Variants in CAMSAP2 observed in about 807,000 individuals in gnomAD.
The protein encoded by CAMSAP2 is calmodulin-regulated spectrin-associated protein 2.
CAMSAP2 carries 26 observed loss-of-function variants against 146.1 expected under a neutral mutation model. The observed-to-expected ratio is 0.18, with a 90% CI of 0.13 to 0.25. The LOEUF (loss-of-function observed/expected upper bound fraction) is 0.25. Ranked by LOEUF, CAMSAP2 falls within the 10% of genes least tolerant of loss-of-function variation. The pLI, the probability that CAMSAP2 is intolerant of heterozygous loss-of-function variation, is 1.00. For missense variants in CAMSAP2, 1,381 were observed against 1,759.3 expected (o/e 0.78, Z 3.85); for synonymous variants, 499 against 596.6 (o/e 0.84, Z 2.38).
chr1:200,743,171 T>C (rs957930132), intron 1 of CAMSAP2, among the ~76,000 whole-genome samples: 5 of 152,244 alleles, frequency 3.3e-5, no homozygotes, highest in Non-Finnish European at 7.3e-5. Context: ...TTTCTTTAAA[T>C]GTTCTGTTCT....
intron 4 of CAMSAP2, among the ~76,000 whole-genome samples, chr1:200,816,368 G>A (rs962758376): frequency 4.6e-5 from 7 of 151,468 alleles, no homozygotes; most frequent in East Asian, 2.0e-4. Flanking sequence ...TGAGACGGGC[G>A]GATCACCTGA....
intron 4 of CAMSAP2, among the ~76,000 whole-genome samples, chr1:200,830,414 T>C (rs10920043): frequency 0.084 from 12,795 of 152,284 alleles, 1,103 homozygotes; most frequent in East Asian, 0.35. Flanking sequence ...TTCAATTCTT[T>C]GTTGCATGAC....
chr1:200,823,672 A>G (rs956615183), intron 4 of CAMSAP2, among the ~76,000 whole-genome samples: 18 of 152,314 alleles, frequency 1.2e-4, no homozygotes, highest in African/African-American at 4.3e-4. Flanking sequence ...GATATTAACC[A>G]TGATCCCTTG....
chr1:200,771,610 C>T (rs1022688917), intron 2 of CAMSAP2, among the ~76,000 whole-genome samples: 3 of 152,118 alleles, frequency 2.0e-5, no homozygotes, highest in Non-Finnish European at 4.4e-5. Context: ...CCTTATTTTT[C>T]CAGAGACCAT....
At chr1:200,816,380 G>A (rs1344536267) in intron 4 of CAMSAP2, among the ~76,000 whole-genome samples, 1 of 151,316 alleles carries the variant, frequency 6.6e-6, no homozygotes, top group Non-Finnish European at 1.5e-5. Context: ...ATCACCTGAG[G>A]TCAGGAGTTT....
In CAMSAP2 at chr1:200,832,442, C is replaced by A; in HGVS notation, c.787+101C>A. ...CCAGCCTAGGTGACTGAGTGGGACC[C>A]TGTCTCAAAAAAAAGACAATATTAT... is the stretch of plus-strand genomic sequence containing the variant. On this transcript the variant is annotated intron_variant, in intron 5 of 16. Transcript: ENST00000358823. This position sits in a 1 kb window ranked among gnomAD's most constrained non-coding sequence, Gnocchi z 4.2. 1 of 1,126,162 alleles carries A rather than the reference C, an allele frequency of 8.9e-7. No individual in the cohort carries two copies. The highest frequency in any genetic ancestry group is 1.2e-6 in the Non-Finnish European group (1 of 820,444). The allele number at this position is 1,126,162 out of a possible 1,614,324, so 69.8% of individuals were successfully genotyped here.
chr1:200,745,062 ATTTAT>A (rs1664284474), intron 1 of CAMSAP2, among the ~76,000 whole-genome samples: 2 of 152,296 alleles, frequency 1.3e-5, no homozygotes, highest in East Asian at 3.9e-4. Context: ...TATATGCATT[ATTTAT>A]TTTAATTCTG....
intron 1 of CAMSAP2, among the ~76,000 whole-genome samples, chr1:200,747,671 TTGA>T (rs1664373815): frequency 6.6e-6 from 1 of 150,730 alleles, no homozygotes; most frequent in Admixed American, 6.6e-5. Flanking sequence ...TGTGCCCTTG[TTGA>T]TGTGTGGATT....
intron 4 of CAMSAP2, among the ~76,000 whole-genome samples, chr1:200,819,718 T>C (rs78568619): frequency 2.0e-3 from 309 of 152,310 alleles, no homozygotes; most frequent in African/African-American, 6.7e-3. Context: ...CTTCTCGATA[T>C]GTTAGTAAAC....
chr1:200,796,673 CTT>C (rs58160624), intron 2 of CAMSAP2, among the ~76,000 whole-genome samples: 38 of 142,536 alleles, frequency 2.7e-4, no homozygotes, highest in South Asian at 8.8e-4. Context: ...TTTTTTTTGT[CTT>C]TTTTTTTTTT....
At chr1:200,852,439 C>T (rs556822356) in intron 11 of CAMSAP2, 102 bp from the exon 12 acceptor site, 10 of 1,321,902 alleles carry the variant, frequency 7.6e-6, no homozygotes, top group Non-Finnish European at 1.0e-5. Context: ...ATAGTTCAAA[C>T]TTTCAGTTAT....
At chr1:200,844,744 G>T in intron 7 of CAMSAP2, 38 bp from the exon 8 acceptor site, 1 of 1,199,996 alleles carries the variant, frequency 8.3e-7, no homozygotes, top group Non-Finnish European at 1.2e-6. Flanking sequence ...ATAGAAATAT[G>T]CTAATTTGAG....
chr1:200,758,224 C>G (rs898277692), intron 1 of CAMSAP2, among the ~76,000 whole-genome samples: 11 of 152,082 alleles, frequency 7.2e-5, no homozygotes, highest in Non-Finnish European at 1.6e-4. Context: ...ATTTGTAATC[C>G]TGATAATGAG....
At chr1:200,766,342 G>T (rs1413083869) in intron 2 of CAMSAP2, among the ~76,000 whole-genome samples, 1 of 151,774 alleles carries the variant, frequency 6.6e-6, no homozygotes, top group Admixed American at 6.6e-5. Context: ...GTAGAGACAG[G>T]GTCTCCCTAT....
At chr1:200,811,571 A>G (rs1294394123) in intron 3 of CAMSAP2, among the ~76,000 whole-genome samples, 3 of 152,220 alleles carry the variant, frequency 2.0e-5, no homozygotes, top group African/African-American at 7.2e-5. Context: ...TCTTGCTTCT[A>G]CTTGCTCTTG....
chr1:200,783,291 G>T (rs1165951237), intron 2 of CAMSAP2, among the ~76,000 whole-genome samples: 2 of 152,118 alleles, frequency 1.3e-5, no homozygotes, highest in African/African-American at 4.8e-5. Flanking sequence ...AGGACTAATA[G>T]AATTTAATGT....
chr1:200,808,887 C>T (rs979546166), intron 3 of CAMSAP2, among the ~76,000 whole-genome samples: 1 of 152,224 alleles, frequency 6.6e-6, no homozygotes, highest in African/African-American at 2.4e-5. Context: ...TCTTATGTCT[C>T]CCCTTCCCTC....
rs1667519024 is a variant in CAMSAP2, at chr1:200,848,428, A to G, written c.1659A>G (p.Glu553=). Residue 553 remains glutamate, a synonymous_variant, in exon 11 of 17, where the codon GAA becomes GAG. Coordinates refer to ENST00000358823, the MANE Select transcript of CAMSAP2 (RefSeq NM_203459.4). ...CATTACAAATAATTCATGATACTGA[A>G]AAATCTCCTCATACACCTCAGCCAG... is the stretch of plus-strand genomic sequence containing the variant. ...EEALQIIHDT[E]KSPHTPQPDQ... is the part of the protein sequence containing the mutation. 6.2e-7 allele frequency: 1 copy of G among 1,613,936 alleles called. No homozygotes were observed. The highest frequency in any genetic ancestry group is 8.5e-7 in the Non-Finnish European group (1 of 1,179,952).
chr1:200,799,303 T>A, intron 2 of CAMSAP2, among the ~76,000 whole-genome samples: 1 of 146,608 alleles, frequency 6.8e-6, no homozygotes, highest in South Asian at 2.2e-4. Context: ...AGTCCTGGGG[T>A]TTTTTTTTTG....
Sources: gnomAD v4.1 joint callset for allele counts (sites outside exome capture counted in the v4.1 genomes callset) on GRCh38, gnomAD v4.1.1 for gene constraint, Gnocchi (gnomAD v3.1) non-coding constraint, MANE v1.5 for transcripts, NCBI Gene and HGNC (gene_info 2026-07-23, HGNC 2026-07-21) for gene names.